Variants in PCDH15 observed in about 807,000 individuals in gnomAD.
PCDH15 encodes the protein protocadherin related 15.
A neutral mutation model predicts 178.5 loss-of-function variants in PCDH15; 129 were observed. That is an observed-to-expected ratio of 0.72 (90% CI 0.63 to 0.84). The LOEUF is 0.84. Ranked by LOEUF, PCDH15 falls within the 40% of genes least tolerant of loss-of-function variation. The probability of loss-of-function intolerance (pLI) is 0.00; values close to 1 mark genes in which losing one functional copy is unlikely to be tolerated. For synonymous variants in PCDH15, 800 were observed against 732.0 expected, an observed-to-expected ratio of 1.09 and a Z score of -1.50; for missense variants, 2,230 against 2,099.9, an observed-to-expected ratio of 1.06 and a Z score of -1.21.
chr10:55,463,933 GAA>G (rs796714225), intron 2 of PCDH15, among the ~76,000 whole-genome samples: 3,147 of 31,278 alleles, frequency 0.1, 572 homozygotes, highest in African/African-American at 0.37. Flanking sequence ...AAGAAAGAAA[GAA>G]AGAAAGAAAG....
chr10:55,582,628 A>ATATATTTTTTTTTTT (rs780312007), intron 2 of PCDH15, among the ~76,000 whole-genome samples: 3 of 69,032 alleles, frequency 4.3e-5, no homozygotes, highest in Non-Finnish European at 7.4e-5. Context: ...ATATATATAT[A>ATATATTTTTTTTTTT]TTTTTTTTTT....
chr10:54,741,444 C>T (rs766903602), intron 1 of PCDH15, among the ~76,000 whole-genome samples: 11 of 151,752 alleles, frequency 7.2e-5, no homozygotes, highest in South Asian at 4.1e-4. Context: ...GGAAGGCTTA[C>T]ATATTAGTGA....
intron 2 of PCDH15, among the ~76,000 whole-genome samples, chr10:55,137,504 C>T (rs370450573): frequency 1.3e-4 from 20 of 149,852 alleles, no homozygotes; most frequent in African/African-American, 4.7e-4. Context: ...CTCAGAACAA[C>T]CTTAAGTGAT....
chr10:54,133,101 GA>G, intron 14 of PCDH15, 94 bp from the exon 15 acceptor site: 6 of 1,547,376 alleles, frequency 3.9e-6, no homozygotes, highest in Non-Finnish European at 5.3e-6. Flanking sequence ...GTTTACAGGA[GA>G]AAAAATTTCC....
intron 5 of PCDH15, among the ~76,000 whole-genome samples, chr10:54,348,246 G>T (rs1943628163): frequency 6.6e-6 from 1 of 152,224 alleles, no homozygotes; most frequent in Non-Finnish European, 1.5e-5. Flanking sequence ...TTTAGGAAAA[G>T]AATATAATTA....
intron 1 of PCDH15, among the ~76,000 whole-genome samples, chr10:54,730,653 T>G (rs1943210393): frequency 6.6e-6 from 1 of 150,954 alleles, no homozygotes; most frequent in African/African-American, 2.4e-5. Context: ...GAACAGGAAA[T>G]GGGGAAATGA....
chr10:54,519,543 C>T (rs1327602116), intron 3 of PCDH15, among the ~76,000 whole-genome samples: 1 of 152,158 alleles, frequency 6.6e-6, no homozygotes, highest in Admixed American at 6.6e-5. Flanking sequence ...CTACAAACCA[C>T]TGCTCAATGA....
chr10:55,014,435 C>A (rs557886506), intron 2 of PCDH15, among the ~76,000 whole-genome samples: 11 of 152,202 alleles, frequency 7.2e-5, no homozygotes, highest in African/African-American at 2.6e-4. Flanking sequence ...TTGCAAATGG[C>A]AAGTTCTGCT....
At chr10:55,306,907 G>T (rs774465054) in intron 1 of PCDH15, among the ~76,000 whole-genome samples, 3 of 152,054 alleles carry the variant, frequency 2.0e-5, no homozygotes, top group Admixed American at 6.5e-5. Flanking sequence ...TCTTCTTGAA[G>T]ACGTGGGAAA....
intron 3 of PCDH15, among the ~76,000 whole-genome samples, chr10:54,854,541 A>G (rs1288199321): frequency 1.3e-5 from 2 of 152,126 alleles, no homozygotes; most frequent in Non-Finnish European, 2.9e-5. Context: ...TTCTGCAGCC[A>G]GAGTGTCCCA....
intron 2 of PCDH15, among the ~76,000 whole-genome samples, chr10:55,371,610 T>C (rs955279190): frequency 1.3e-5 from 2 of 152,026 alleles, no homozygotes; most frequent in African/African-American, 4.8e-5. Flanking sequence ...CCCATCACTC[T>C]CTCTCTCTCT....
intron 2 of PCDH15, among the ~76,000 whole-genome samples, chr10:54,609,303 G>A (rs549060105): frequency 2.6e-5 from 4 of 151,932 alleles, no homozygotes; most frequent in Non-Finnish European, 5.9e-5. Context: ...GGAACATGTA[G>A]GCTCATAAAC....
chr10:55,426,459 C>A (rs1379758640), intron 2 of PCDH15, among the ~76,000 whole-genome samples: 1 of 152,146 alleles, frequency 6.6e-6, no homozygotes, highest in East Asian at 1.9e-4. Flanking sequence ...TCTTTGGGTG[C>A]TGGCAGGAGT....
chr10:54,495,237 C>A (rs753395629), intron 3 of PCDH15, among the ~76,000 whole-genome samples: 9 of 151,978 alleles, frequency 5.9e-5, no homozygotes, highest in Non-Finnish European at 8.8e-5. Context: ...GTTAATAACT[C>A]ATCTGCAAAA....
At chr10:53,988,111 C>T (rs182852788) in intron 21 of PCDH15, among the ~76,000 whole-genome samples, 12 of 152,288 alleles carry the variant, frequency 7.9e-5, no homozygotes, top group South Asian at 6.2e-4. Context: ...ATCATCCCCG[C>T]GTCAGATCAA....
At chr10:54,160,275 T>G (rs2045576807) in intron 13 of PCDH15, among the ~76,000 whole-genome samples, 1 of 152,166 alleles carries the variant, frequency 6.6e-6, no homozygotes, top group South Asian at 2.1e-4. Flanking sequence ...ATTGTTGATT[T>G]CTAGAATTTT....
intron 2 of PCDH15, among the ~76,000 whole-genome samples, chr10:55,552,384 T>C (rs763657107): frequency 1.3e-5 from 2 of 151,648 alleles, no homozygotes; most frequent in Non-Finnish European, 3.0e-5. Flanking sequence ...ATCTTAAAGG[T>C]ACTGCCAGTA....
chr10:54,528,456 A>C, intron 2 of PCDH15: 1 of 1,397,008 alleles, frequency 7.2e-7, no homozygotes, highest in Non-Finnish European at 9.9e-7. Flanking sequence ...AAATGGAAGA[A>C]AGAAAGGAAG....
chr10:54,728,150 T>G (rs1942840673), intron 1 of PCDH15, among the ~76,000 whole-genome samples: 1 of 151,290 alleles, frequency 6.6e-6, no homozygotes, highest in Admixed American at 6.6e-5. Context: ...TCAGGCTAAT[T>G]ACTGTGGTGA....
Sources: allele counts gnomAD v4.1 joint callset (sites outside exome capture counted in the v4.1 genomes callset), GRCh38; gene constraint gnomAD v4.1.1; transcripts MANE v1.5; gene names NCBI Gene and HGNC (gene_info 2026-07-23, HGNC 2026-07-21).